Variants in PAPOLA observed in about 807,000 individuals in gnomAD.
The protein encoded by PAPOLA is poly(A) polymerase alpha, also known as polynucleotide adenylyltransferase alpha.
Under a neutral mutation model 100.6 loss-of-function variants are expected in PAPOLA, and 15 were observed. The ratio of observed to expected loss-of-function variants is 0.15; its 90% CI spans 0.10 to 0.23. PAPOLA has a LOEUF of 0.23. PAPOLA is among the 10% of genes least tolerant of loss of function. PAPOLA has a pLI of 1.00. For missense variants in PAPOLA, 533 were observed against 884.2 expected, an observed-to-expected ratio of 0.60 and a Z score of 5.04; for synonymous variants, 293 against 300.0, an observed-to-expected ratio of 0.98 and a Z score of 0.24.
At chr14:96,502,632 C>T (rs532948212) in intron 1 of PAPOLA, 32 bp downstream of exon 1, 4 of 1,563,642 alleles carry the variant, frequency 2.6e-6, no homozygotes, top group Non-Finnish European at 3.5e-6. Context: ...TTCTTTCGCT[C>T]GCCGGCTGGG....
Position 96,565,647 on chromosome 14 carries a change from A to C in PAPOLA, c.*597A>C. The C allele has an allele frequency of 2.5e-6, 1 of 396,758 alleles. No individual in the cohort carries two copies. The highest frequency in any genetic ancestry group is 4.4e-6 in the Non-Finnish European group (1 of 224,926). 24.6% of individuals were successfully genotyped at this position (396,758 alleles called of 1,614,324 possible). A position where few individuals can be genotyped will look rare whatever the true frequency, so the allele number is the denominator to read the frequency against. On this transcript the variant is annotated 3_prime_UTR_variant, in exon 22 of 22. Transcript: ENST00000216277. ...ACGTCAACTCTAGGGTACATTTGACATTGAAAGAATAGTTAGGAAATAACT... is the reference window on the plus strand; with the variant it reads ...ACGTCAACTCTAGGGTACATTTGACCTTGAAAGAATAGTTAGGAAATAACT...
At chr14:96,502,711 C>A in intron 1 of PAPOLA, 111 bp downstream of exon 1, 1 of 1,221,234 alleles carries the variant, frequency 8.2e-7, no homozygotes, top group Non-Finnish European at 1.1e-6. Flanking sequence ...ACCCTCCCCG[C>A]TGGTAGGAGG....
intron 21 of PAPOLA, 89 bp downstream of exon 21, chr14:96,562,982 T>C: frequency 1.3e-6 from 1 of 742,076 alleles, no homozygotes; most frequent in Non-Finnish European, 2.3e-6. Context: ...CATAGAAGAC[T>C]ATTAAAATTA....
rs749926403 is a variant in PAPOLA at position 96,502,499 on chromosome 14, C to T, written c.-94C>T. ...GTTGGACCCAGGGCTGAGGCAGGCC[C>T]CCCCCTCCCTCCCGCCTCAGTGGAT... On this transcript the variant is annotated 5_prime_UTR_variant, in exon 1 of 22. Coordinates refer to ENST00000216277, the MANE Select transcript of PAPOLA (RefSeq NM_032632.5). The T allele has an allele frequency of 2.0e-6, 2 of 997,454 alleles. No individual in the cohort carries two copies. Among genetic ancestry groups the T allele is most frequent in the East Asian group, 2.7e-5 (1 of 36,890 alleles). The allele number at this position is 997,454 out of a possible 1,614,324, so 61.8% of individuals were successfully genotyped here.
intron 1 of PAPOLA, among the ~76,000 whole-genome samples, chr14:96,511,218 A>G (rs1304462349): frequency 2.0e-5 from 3 of 152,194 alleles, no homozygotes; most frequent in East Asian, 3.8e-4. Context: ...CCAAATGCCT[A>G]ATATCACTAG....
rs1394121718 is a variant in PAPOLA, at chr14:96,502,480, C to CCCAG, written c.-112_-109dup. On this transcript the variant is annotated 5_prime_UTR_variant, in exon 1 of 22. Coordinates refer to ENST00000216277, the MANE Select transcript of PAPOLA (RefSeq NM_032632.5). ...GGAGCGGTGCGGGAGAGGGGTTGGA[C>CCCAG]CCAGGGCTGAGGCAGGCCCCCCCCT... 1.2e-6 allele frequency: 1 copy of CCCAG among 817,212 alleles called. No individual in the cohort carries two copies. The highest frequency in any genetic ancestry group is 2.0e-6 in the Non-Finnish European group (1 of 497,634). 50.6% of individuals were successfully genotyped at this position (817,212 alleles called of 1,614,324 possible).
intron 1 of PAPOLA, chr14:96,504,229 A>G (rs1324898039): frequency 6.6e-6 from 1 of 152,236 alleles, no homozygotes. Flanking sequence ...AAAATGATAG[A>G]TGTAAACCTT....
chr14:96,559,268 G>A (rs1901611743), intron 19 of PAPOLA, among the ~76,000 whole-genome samples: 1 of 151,940 alleles, frequency 6.6e-6, no homozygotes, highest in Admixed American at 6.6e-5. Context: ...GAAATTTGCT[G>A]TGGTAGAAGT....
intron 1 of PAPOLA, among the ~76,000 whole-genome samples, chr14:96,506,864 A>C (rs1896750450): frequency 6.6e-6 from 1 of 152,236 alleles, no homozygotes; most frequent in Non-Finnish European, 1.5e-5. Flanking sequence ...GGGCTTATTA[A>C]TAGGGTTTTA....
chr14:96,502,729 G>GTCCCC, intron 1 of PAPOLA, 129 bp downstream of exon 1: 1 of 993,728 alleles, frequency 1.0e-6, no homozygotes, highest in Non-Finnish European at 1.4e-6. Flanking sequence ...AGGCAGGCAG[G>GTCCCC]ACTGGGGACC....
chr14:96,539,703 A>G (rs1899825172), intron 12 of PAPOLA, among the ~76,000 whole-genome samples: 1 of 152,136 alleles, frequency 6.6e-6, no homozygotes, highest in Admixed American at 6.5e-5. Flanking sequence ...CACTTGTAAA[A>G]TAGGGGACCA....
At chr14:96,524,928 A>C (rs1216975746) in intron 3 of PAPOLA, among the ~76,000 whole-genome samples, 1 of 152,160 alleles carries the variant, frequency 6.6e-6, no homozygotes, top group South Asian at 2.1e-4. Context: ...AAGCAATCAG[A>C]ATATGTTTTT....
chr14:96,549,232 A>T (rs924838084), intron 16 of PAPOLA, among the ~76,000 whole-genome samples: 4 of 152,034 alleles, frequency 2.6e-5, no homozygotes, highest in Non-Finnish European at 5.9e-5. Flanking sequence ...TTAAGGTTTA[A>T]ACATGATGTT....
rs968957311 is a variant in PAPOLA, at chr14:96,556,390, C to A, written c.1981C>A (p.Pro661Thr). The A allele has an allele frequency of 6.2e-7, 1 of 1,609,448 alleles. No homozygotes were observed. The highest frequency in any genetic ancestry group is 1.7e-5 in the Admixed American group (1 of 59,944). ...RTSSPHKEES[P>T]KKTKTEEDET... The stretch of plus-strand genomic sequence containing the variant: ...ATCCTCACCTCATAAAGAAGAGAGT[C>A]CCAAGAAAACCAAAACAGAAGAGGT... The change falls in exon 19 of 22, where the codon CCC (proline) becomes ACC (threonine). Residue 661 changes from proline to threonine, a missense_variant. Physicochemically the swap from Pro to Thr is conservative, Grantham distance 38. Around this residue, in one of 9 missense-constraint regions of PAPOLA, gnomAD observed 242 missense variants for 281.0 expected, o/e 0.86. Coordinates refer to ENST00000216277, the MANE Select transcript of PAPOLA (RefSeq NM_032632.5).
intron 4 of PAPOLA, 32 bp from the exon 5 acceptor site, chr14:96,527,394 TATTA>T (rs1898583031): frequency 1.7e-6 from 2 of 1,198,940 alleles, no homozygotes; most frequent in Non-Finnish European, 2.5e-6. Context: ...TTTCTTGTAA[TATTA>T]ATTAGTGGTT....
At chr14:96,535,788 G>C in intron 10 of PAPOLA, 91 bp from the exon 11 acceptor site, 2 of 1,106,504 alleles carry the variant, frequency 1.8e-6, no homozygotes, top group Non-Finnish European at 2.4e-6. Flanking sequence ...ATAAAAAATA[G>C]AATCATTGGT....
At chr14:96,533,646 C>T (rs1899257975) in intron 9 of PAPOLA, 1 of 509,990 alleles carries the variant, frequency 2.0e-6, no homozygotes, top group Admixed American at 6.5e-5. Context: ...GCTCTGCCTC[C>T]TGGATTCATG....
chr14:96,534,350 G>A (rs751463372), intron 9 of PAPOLA, 141 bp from the exon 10 acceptor site: 255 of 1,444,658 alleles, frequency 1.8e-4, no homozygotes, highest in Non-Finnish European at 2.1e-4. Flanking sequence ...GTCTAATGTC[G>A]TCAGAAAGGA....
At chr14:96,530,422 AC>A (rs1285302883) in intron 6 of PAPOLA, among the ~76,000 whole-genome samples, 1 of 127,060 alleles carries the variant, frequency 7.9e-6, no homozygotes, top group Non-Finnish European at 1.7e-5. Flanking sequence ...GCAGGGTCTT[AC>A]TTTACCCAGG....
Sources: allele counts gnomAD v4.1 joint callset (sites outside exome capture counted in the v4.1 genomes callset), GRCh38; gene constraint gnomAD v4.1.1; regional missense constraint gnomAD v4.1.1; transcripts MANE v1.5; gene names NCBI Gene and HGNC (gene_info 2026-07-23, HGNC 2026-07-21).